Variants in NKAIN2 observed in about 807,000 individuals in gnomAD.
NKAIN2 encodes sodium/potassium-transporting ATPase subunit beta-1-interacting protein 2.
In NKAIN2, 14 loss-of-function variants were observed where a neutral mutation model predicts 32.6. The observed-to-expected ratio is 0.43, with a 90% confidence interval of 0.28 to 0.67. The LOEUF is 0.67. NKAIN2 is among the 30% of genes least tolerant of loss of function. The pLI is 0.17. For synonymous variants in NKAIN2, 80 were observed against 87.2 expected (o/e 0.92, Z 0.46); for missense variants, 198 against 258.3 (o/e 0.77, Z 1.60).
chr6:124,809,940 T>C (rs974711526), intron 5 of NKAIN2, among the ~76,000 whole-genome samples: 84 of 152,242 alleles, frequency 5.5e-4, no homozygotes, highest in Non-Finnish European at 9.9e-4. Flanking sequence ...TGAGATATCA[T>C]CTCACACCAG....
chr6:124,017,748 C>T (rs1011163590), intron 1 of NKAIN2, among the ~76,000 whole-genome samples: 8 of 152,178 alleles, frequency 5.3e-5, no homozygotes, highest in East Asian at 1.9e-4. Flanking sequence ...TGCAGCTCTA[C>T]CTCTGTGGCT....
chr6:124,526,782 T>G (rs1241156963), intron 3 of NKAIN2, among the ~76,000 whole-genome samples: 1 of 152,146 alleles, frequency 6.6e-6, no homozygotes, highest in Non-Finnish European at 1.5e-5. Flanking sequence ...CAAAGAAATG[T>G]CGAAGCTAGT....
intron 1 of NKAIN2, among the ~76,000 whole-genome samples, chr6:124,078,786 T>TTGTGTG (rs71021477): frequency 0.036 from 5,143 of 144,682 alleles, 92 homozygotes; most frequent in African/African-American, 0.041. Flanking sequence ...TATGTCGTTT[T>TTGTGTG]TGTGTGTGTG....
chr6:124,470,277 G>A (rs747335803), intron 3 of NKAIN2, among the ~76,000 whole-genome samples: 2 of 152,114 alleles, frequency 1.3e-5, no homozygotes, highest in Non-Finnish European at 2.9e-5. Flanking sequence ...GCCAGGCAGA[G>A]CTGTGGAAGC....
At chr6:124,229,534 AGAC>A (rs1792329147) in intron 1 of NKAIN2, among the ~76,000 whole-genome samples, 1 of 140,144 alleles carries the variant, frequency 7.1e-6, no homozygotes, top group East Asian at 2.1e-4. Context: ...ATAGATAGAT[AGAC>A]AGACAGACAG....
chr6:124,819,396 C>T (rs886291391), intron 6 of NKAIN2, among the ~76,000 whole-genome samples: 2 of 152,106 alleles, frequency 1.3e-5, no homozygotes, highest in Admixed American at 1.3e-4. Context: ...CCGTGCCTGC[C>T]TTTTTCTTTG....
At chr6:124,628,613 T>C (rs1274262366) in intron 3 of NKAIN2, among the ~76,000 whole-genome samples, 1 of 151,960 alleles carries the variant, frequency 6.6e-6, no homozygotes, top group African/African-American at 2.4e-5. Context: ...ATCCATCTAG[T>C]ATAAGGTTTA....
At chr6:124,654,591 AC>A (rs1784473580) in intron 3 of NKAIN2, among the ~76,000 whole-genome samples, 1 of 152,100 alleles carries the variant, frequency 6.6e-6, no homozygotes, top group African/African-American at 2.4e-5. Context: ...TTATGGCCTA[AC>A]CCCCAGTACC....
intron 3 of NKAIN2, among the ~76,000 whole-genome samples, chr6:124,641,554 TTTTTTTTTTTTTTTTGAG>T (rs1783991721): frequency 3.5e-5 from 4 of 113,618 alleles, no homozygotes; most frequent in African/African-American, 1.4e-4. Context: ...TTTTTTTTTT[TTTTTTTTTTTTTTTTGAG>T]ACAGTGTCTT....
chr6:124,370,293 A>G (rs1229901597), intron 3 of NKAIN2, among the ~76,000 whole-genome samples: 2 of 151,868 alleles, frequency 1.3e-5, no homozygotes, highest in Non-Finnish European at 2.9e-5. Flanking sequence ...CGTAGCACTT[A>G]GAGTGTCACT....
intron 1 of NKAIN2, among the ~76,000 whole-genome samples, chr6:124,059,953 A>ATT (rs1014789343): frequency 5.9e-5 from 9 of 152,246 alleles, no homozygotes; most frequent in African/African-American, 2.2e-4. Flanking sequence ...TGAAACAAAT[A>ATT]GTTTCCTTGT....
intron 1 of NKAIN2, among the ~76,000 whole-genome samples, chr6:124,102,905 A>G (rs1206954328): frequency 2.0e-5 from 3 of 152,262 alleles, no homozygotes; most frequent in Middle Eastern, 6.8e-3. Flanking sequence ...TTGGCTAGAC[A>G]TGTGATCAAA....
intron 3 of NKAIN2, among the ~76,000 whole-genome samples, chr6:124,466,924 A>T (rs1294390474): frequency 6.6e-6 from 1 of 152,080 alleles, no homozygotes; most frequent in Non-Finnish European, 1.5e-5. Flanking sequence ...CAAAAAAAGG[A>T]AGAGTAGTTA....
chr6:124,302,121 C>G (rs1796314941), intron 2 of NKAIN2, among the ~76,000 whole-genome samples: 2 of 152,190 alleles, frequency 1.3e-5, no homozygotes, highest in African/African-American at 2.4e-5. Flanking sequence ...GAATAAGTCT[C>G]ACAAGATCTG....
chr6:124,060,013 G>A (rs146040223), intron 1 of NKAIN2, among the ~76,000 whole-genome samples: 9 of 152,278 alleles, frequency 5.9e-5, no homozygotes, highest in African/African-American at 2.2e-4. Flanking sequence ...TGTTTCCAAA[G>A]TTCGAGTATG....
chr6:124,018,579 G>T (rs565981920), intron 1 of NKAIN2, among the ~76,000 whole-genome samples: 2 of 152,080 alleles, frequency 1.3e-5, no homozygotes, highest in Non-Finnish European at 2.9e-5. Context: ...GATCTCTAGG[G>T]TGGGGAGAAG....
intron 3 of NKAIN2, among the ~76,000 whole-genome samples, chr6:124,441,115 T>C (rs1172944321): frequency 6.6e-6 from 1 of 152,098 alleles, no homozygotes; most frequent in Non-Finnish European, 1.5e-5. Flanking sequence ...GGTCAGTATA[T>C]GATAGAGCCG....
intron 4 of NKAIN2, among the ~76,000 whole-genome samples, chr6:124,748,418 A>C (rs1777552924): frequency 6.6e-6 from 1 of 151,948 alleles, no homozygotes; most frequent in Non-Finnish European, 1.5e-5. Flanking sequence ...ACATCAGGAA[A>C]GCTCCCATGC....
intron 4 of NKAIN2, among the ~76,000 whole-genome samples, chr6:124,707,665 T>C (rs1253002352): frequency 1.3e-5 from 2 of 151,778 alleles, no homozygotes; most frequent in East Asian, 3.9e-4. Context: ...GTTCATGTCC[T>C]TGGCCCACTT....
Sources: allele counts gnomAD v4.1 joint callset (sites outside exome capture counted in the v4.1 genomes callset), GRCh38; gene constraint gnomAD v4.1.1; transcripts MANE v1.5; gene names NCBI Gene and HGNC (gene_info 2026-07-23, HGNC 2026-07-21).